VAT1L: variants seen among roughly 807,000 people sequenced by gnomAD.
The protein encoded by VAT1L is putative NADPH-dependent quinone oxidoreductase VAT1L.
VAT1L carries 34 observed loss-of-function variants against 44.1 expected under a neutral mutation model. The observed-to-expected ratio is 0.77, with a 90% CI of 0.59 to 1.03. The LOEUF (loss-of-function observed/expected upper bound fraction) is 1.03. Ranked by LOEUF, VAT1L falls within the 50% of genes least tolerant of loss-of-function variation. The probability of loss-of-function intolerance (pLI) is 0.00; values close to 1 mark genes in which losing one functional copy is unlikely to be tolerated. For synonymous variants in VAT1L, 253 were observed against 202.2 expected (o/e 1.25, Z -2.13); for missense variants, 615 against 538.8 (o/e 1.14, Z -1.40).
chr16:77,843,246 G>C (rs2016725119), intron 3 of VAT1L, among the ~76,000 whole-genome samples: 1 of 152,134 alleles, frequency 6.6e-6, no homozygotes, highest in South Asian at 2.1e-4. Flanking sequence ...TTTTTCAATG[G>C]TTTATAGGGT....
intron 3 of VAT1L, among the ~76,000 whole-genome samples, chr16:77,831,802 TTTTG>T (rs143347575): frequency 0.091 from 13,861 of 151,784 alleles, 716 homozygotes; most frequent in Middle Eastern, 0.12. Flanking sequence ...GTTTTGTGTT[TTTTG>T]TTTGTTTGTT....
intron 1 of VAT1L, among the ~76,000 whole-genome samples, chr16:77,811,838 A>G (rs1184617755): frequency 6.6e-6 from 1 of 152,170 alleles, no homozygotes; most frequent in African/African-American, 2.4e-5. Context: ...TAAGCATACA[A>G]GTCAATGTCT....
chr16:77,789,405 T>A (rs1321449899), intron 1 of VAT1L, among the ~76,000 whole-genome samples: 5 of 152,166 alleles, frequency 3.3e-5, no homozygotes, highest in African/African-American at 1.2e-4. Flanking sequence ...AAGCCGCCGC[T>A]CAGCGAGAAT....
intron 3 of VAT1L, among the ~76,000 whole-genome samples, chr16:77,846,114 C>T (rs1293214883): frequency 6.6e-6 from 1 of 152,144 alleles, no homozygotes; most frequent in Admixed American, 6.5e-5. Flanking sequence ...ATGAACTTTG[C>T]CTATCCTATG....
chr16:77,970,967 A>T (rs947044007), intron 7 of VAT1L, among the ~76,000 whole-genome samples: 21 of 152,028 alleles, frequency 1.4e-4, no homozygotes, highest in African/African-American at 4.4e-4. Context: ...AATTTTAAAC[A>T]TTTGAGACTT....
rs1168791968 is a variant in VAT1L, at chr16:77,884,528, T to C, written c.883-80T>C. 9 of 1,445,330 alleles carry C rather than the reference T, an allele frequency of 6.2e-6. No individual in the cohort carries two copies. Among genetic ancestry groups the C allele is most frequent in the Non-Finnish European group, 8.4e-6 (9 of 1,066,290 alleles). 89.5% of individuals were successfully genotyped at this position (1,445,330 alleles called of 1,614,324 possible). On this transcript the variant is annotated intron_variant, in intron 6 of 8. Coordinates refer to ENST00000302536, the MANE Select transcript of VAT1L (RefSeq NM_020927.3). The surrounding 1 kb of genome is among the most constrained non-coding windows in gnomAD (Gnocchi z 4.5). ...AGCCCCACGTTCCCCCTGTAGTAGC[T>C]GATGACATCAGCAATGCTGCCAATG... is the stretch of plus-strand genomic sequence containing the variant.
intron 3 of VAT1L, among the ~76,000 whole-genome samples, chr16:77,839,638 A>C (rs966619774): frequency 6.6e-6 from 1 of 151,304 alleles, no homozygotes; most frequent in Non-Finnish European, 1.5e-5. Context: ...GAGAAGGAGA[A>C]TAGAGAAAGA....
At chr16:77,810,545 C>T (rs1446891420) in intron 1 of VAT1L, among the ~76,000 whole-genome samples, 5 of 152,120 alleles carry the variant, frequency 3.3e-5, no homozygotes, top group Admixed American at 3.3e-4. Context: ...CAGCACTTCC[C>T]ACACTTCCCA....
intron 7 of VAT1L, among the ~76,000 whole-genome samples, chr16:77,953,573 C>G (rs2018069031): frequency 6.6e-6 from 1 of 152,138 alleles, no homozygotes; most frequent in Admixed American, 6.5e-5. Context: ...AAGGGTCTCA[C>G]TCTGTCACCC....
chr16:77,912,175 T>A (rs1358614688), intron 7 of VAT1L, among the ~76,000 whole-genome samples: 3 of 152,188 alleles, frequency 2.0e-5, no homozygotes, highest in African/African-American at 7.2e-5. Context: ...GTCCTGACTC[T>A]ACCACTTCCC....
At chr16:77,812,489 T>C (rs2016283146) in intron 1 of VAT1L, among the ~76,000 whole-genome samples, 1 of 152,226 alleles carries the variant, frequency 6.6e-6, no homozygotes, top group South Asian at 2.1e-4. Context: ...GTCTCGGCTC[T>C]GTCACTGTCA....
intron 7 of VAT1L, among the ~76,000 whole-genome samples, chr16:77,942,508 G>C (rs1364407082): frequency 6.6e-6 from 1 of 152,106 alleles, no homozygotes; most frequent in Non-Finnish European, 1.5e-5. Flanking sequence ...ACAGTAATGG[G>C]ACTGCTGGGT....
chr16:77,938,060 T>C (rs983165278), intron 7 of VAT1L, among the ~76,000 whole-genome samples: 8 of 152,242 alleles, frequency 5.3e-5, no homozygotes, highest in African/African-American at 1.9e-4. Flanking sequence ...CTGTTGCTGA[T>C]ACCTCCTGAC....
chr16:77,885,717 A>G (rs1197286266), intron 7 of VAT1L, among the ~76,000 whole-genome samples: 1 of 152,136 alleles, frequency 6.6e-6, no homozygotes, highest in East Asian at 1.9e-4. Flanking sequence ...TGCAAGTCAC[A>G]AATACTTTTT....
chr16:77,958,579 A>AT (rs112422424), intron 7 of VAT1L, among the ~76,000 whole-genome samples: 6 of 151,762 alleles, frequency 4.0e-5, no homozygotes, highest in Non-Finnish European at 5.9e-5. Context: ...AATTCACCAG[A>AT]TTTTTTTTTC....
intron 8 of VAT1L, among the ~76,000 whole-genome samples, chr16:77,976,676 T>A (rs1318959511): frequency 6.6e-6 from 1 of 152,206 alleles, no homozygotes; most frequent in African/African-American, 2.4e-5. Flanking sequence ...GTCTCTGTCA[T>A]ATGCTCAGCC....
intron 7 of VAT1L, among the ~76,000 whole-genome samples, chr16:77,924,991 G>A (rs915719953): frequency 1.3e-5 from 2 of 152,146 alleles, no homozygotes; most frequent in Admixed American, 6.5e-5. Context: ...CTGTCTAATA[G>A]TGTATGCATT....
intron 3 of VAT1L, among the ~76,000 whole-genome samples, chr16:77,833,678 G>T (rs1480004418): frequency 1.3e-5 from 2 of 151,984 alleles, no homozygotes; most frequent in African/African-American, 2.4e-5. Flanking sequence ...TTGAACCAGG[G>T]AGTCGGAGGT....
In VAT1L at chr16:77,890,823, C is replaced by T. The variant is rs543023463; in HGVS notation, c.1077+6021C>T. 7.9e-4 allele frequency among the ~76,000 whole-genome samples: 120 copies of T among 151,080 alleles called. 1 individual carries two copies. The highest frequency in any genetic ancestry group is 1.6e-3 in the Non-Finnish European group (106 of 67,910). On this transcript the variant is annotated intron_variant, in intron 7 of 8. Transcript: ENST00000302536. Reference sequence around the variant, plus strand: ...CCTGTGGTCCCAGGTACTCAGGAGGCTGAGGTGGGAGGATGACTTGAGTCT... The same window carrying T: ...CCTGTGGTCCCAGGTACTCAGGAGGTTGAGGTGGGAGGATGACTTGAGTCT...
Sources: gnomAD v4.1 joint callset for allele counts (sites outside exome capture counted in the v4.1 genomes callset) on GRCh38, gnomAD v4.1.1 for gene constraint, Gnocchi (gnomAD v3.1) non-coding constraint, MANE v1.5 for transcripts, NCBI Gene and HGNC (gene_info 2026-07-23, HGNC 2026-07-21) for gene names.